SPTAN1: variants seen among roughly 807,000 people sequenced by gnomAD.
SPTAN1 encodes the protein spectrin alpha chain, non-erythrocytic 1.
Under a neutral mutation model 331.3 loss-of-function variants are expected in SPTAN1, and 61 were observed. The ratio of observed to expected loss-of-function variants is 0.18; its 90% CI spans 0.15 to 0.23. The LOEUF is 0.23. Among genes scored for constraint, SPTAN1 ranks in the 10% least tolerant of loss-of-function variants. The pLI is 1.00. For synonymous variants in SPTAN1, 1,153 were observed against 1,173.9 expected, an observed-to-expected ratio of 0.98 and a Z score of 0.36; for missense variants, 2,043 against 3,147.9, an observed-to-expected ratio of 0.65 and a Z score of 8.40.
At chr9:128,558,056 G>T (rs1848858550) in intron 1 of SPTAN1, among the ~76,000 whole-genome samples, 4 of 152,078 alleles carry the variant, frequency 2.6e-5, no homozygotes, top group Admixed American at 2.6e-4. Context: ...ATCTGCCTCA[G>T]CCTCCCAAAG....
At chr9:128,581,501 A>C (rs1045661386) in intron 11 of SPTAN1, among the ~76,000 whole-genome samples, 2 of 152,004 alleles carry the variant, frequency 1.3e-5, no homozygotes, top group African/African-American at 2.4e-5. Context: ...AACAAAAAAA[A>C]CAAACCTTAG....
At chr9:128,604,545 G>A (rs750424658) in intron 29 of SPTAN1, 128 bp downstream of exon 29, 98 of 878,328 alleles carry the variant, frequency 1.1e-4, no homozygotes, top group South Asian at 3.1e-4. Context: ...TTGTGACATG[G>A]GGTGGGTGCT....
In SPTAN1 at chr9:128,632,455, G is replaced by C; in HGVS notation, c.6984G>C (p.Glu2328Asp). Residue 2328 changes from glutamate to aspartate, a missense_variant, in exon 54 of 57, where the codon GAG (glutamate) becomes GAC (aspartate). This residue lies in a region of SPTAN1 where 58 missense variants were observed against 74.0 expected (regional missense o/e 0.78). Transcript: ENST00000372739. The stretch of plus-strand genomic sequence containing the variant: ...GGAACACAACAGGTGTGACTGAGGA[G>C]GCCCTCAAAGAATTCAGCATGATGT... ...QARNTTGVTE[E>D]ALKEFSMMFK... 6.2e-7 allele frequency: 1 copy of C among 1,614,184 alleles called. No homozygotes were observed. Among genetic ancestry groups the C allele is most frequent in the South Asian group, 1.1e-5 (1 of 91,076 alleles).
At position 128,608,194 on chromosome 9, in the gene SPTAN1, C is replaced by T. The variant is rs1267210563; in HGVS notation, c.4409C>T (p.Thr1470Ile). Residue 1470 changes from threonine (T) to isoleucine (I), a missense_variant, in exon 34 of 57, where the codon ACC becomes ATC. Physicochemically the swap from Thr to Ile is moderately conservative, Grantham distance 89 (BLOSUM62 -1). Transcript: ENST00000372739. ...GCTGCCCGGGAGGCCTTCTTGAATACCGAAGACAAAGGAGACTCACTGGAC... is the reference window on the plus strand; with the variant it reads ...GCTGCCCGGGAGGCCTTCTTGAATATCGAAGACAAAGGAGACTCACTGGAC... The part of the protein sequence containing the change: ...WMAAREAFLN[T>I]EDKGDSLDSV... The T allele has an allele frequency of 1.2e-6, 2 of 1,614,040 alleles. No individual in the cohort carries two copies. The highest frequency in any genetic ancestry group is 2.7e-5 in the African/African-American group (2 of 74,908).
intron 19 of SPTAN1, 62 bp from the exon 20 acceptor site, chr9:128,587,544 G>A: frequency 7.2e-7 from 1 of 1,383,308 alleles, no homozygotes; most frequent in South Asian, 1.2e-5. Flanking sequence ...AGGTTGGCGA[G>A]GCAGTGGAGG....
At chr9:128,574,342 C>T (rs1458129192) in intron 3 of SPTAN1, among the ~76,000 whole-genome samples, 3 of 147,720 alleles carry the variant, frequency 2.0e-5, no homozygotes, top group Non-Finnish European at 3.0e-5. Context: ...ATAAATATAT[C>T]ATAAATATAA....
intron 31 of SPTAN1, among the ~76,000 whole-genome samples, chr9:128,606,817 C>T (rs1017481210): frequency 2.0e-5 from 3 of 151,986 alleles, no homozygotes; most frequent in African/African-American, 4.8e-5. Context: ...AGGTAAAAGC[C>T]ACGTAACATA....
Position 128,627,954 on chromosome 9 carries a change from T to C in SPTAN1, c.6707+12T>C, listed in dbSNP as rs1859022940. ...TACCTCCTCGATGGGTTAATATTGT[T>C]TTCTTCCTTCTCTGGGCTTGTCATG... On this transcript the variant is annotated intron_variant, in intron 51 of 56. Transcript: ENST00000372739. This position sits in a 1 kb window ranked among gnomAD's most constrained non-coding sequence, Gnocchi z 4.9. 2 of 1,614,172 alleles carry C rather than the reference T, an allele frequency of 1.2e-6. No individual in the cohort carries two copies. Among genetic ancestry groups the C allele is most frequent in the Admixed American group, 3.3e-5 (2 of 60,032 alleles).
chr9:128,587,479 G>A, intron 19 of SPTAN1, 127 bp from the exon 20 acceptor site: 1 of 755,792 alleles, frequency 1.3e-6, no homozygotes, highest in South Asian at 1.4e-5. Context: ...TGTAAGAAGG[G>A]CAGGAGGTGA....
In SPTAN1 at chr9:128,632,667, G is replaced by A. The variant is rs1456251340; in HGVS notation, c.7109G>A (p.Gly2370Glu). The A allele has an allele frequency of 6.2e-7, 1 of 1,614,016 alleles. No homozygotes were observed. The highest frequency in any genetic ancestry group is 8.5e-7 in the Non-Finnish European group (1 of 1,180,028). Residue 2370 changes from glycine to glutamate, a missense_variant, in exon 55 of 57, where the codon GGG becomes GAG. By Grantham distance (98) the Gly-to-Glu change is moderately conservative. Around this residue, in one of 12 missense-constraint regions of SPTAN1, gnomAD observed 58 missense variants for 74.0 expected, o/e 0.78. Coordinates refer to ENST00000372739, the MANE Select transcript of SPTAN1 (RefSeq NM_001130438.3). ...LGYDLPMVEE[G>E]EPDPEFEAIL... ...TATGACCTGCCCATGGTGGAGGAAG[G>A]GGAACCTGACCCTGAGTTCGAGGCA...
rs1174814108 is a variant in SPTAN1 at position 128,618,055 on chromosome 9, G to T, written c.5547G>T (p.Arg1849=). ...NTIGKEEIQQ[R]LAQFVEHWKE... ...TCGGGAAAGAGGAGATCCAGCAGCG[G>T]CTGGCGCAGTTTGTGGAGCACTGGA... The change falls in exon 43 of 57, where the codon CGG becomes CGT. Residue 1849 remains arginine, a synonymous_variant. Transcript: ENST00000372739. The T allele has an allele frequency of 1.9e-6, 3 of 1,613,958 alleles. No individual in the cohort carries two copies. The highest frequency in any genetic ancestry group is 2.7e-5 in the African/African-American group (2 of 74,928).
intron 40 of SPTAN1, 37 bp downstream of exon 40, chr9:128,613,522 G>C (rs1011376923): frequency 6.5e-6 from 10 of 1,541,382 alleles, no homozygotes; most frequent in Non-Finnish European, 9.0e-6. Flanking sequence ...CGAGTGCCTG[G>C]GACACAGCTC....
intron 27 of SPTAN1, among the ~76,000 whole-genome samples, chr9:128,603,141 C>A (rs926706604): frequency 4.6e-5 from 7 of 152,024 alleles, no homozygotes; most frequent in Admixed American, 1.3e-4. Context: ...TATTAGAGCT[C>A]CTGGCTGTTA....
intron 52 of SPTAN1, 189 bp from the exon 53 acceptor site, chr9:128,631,938 C>T (rs1859814402): frequency 6.4e-6 from 4 of 628,096 alleles, no homozygotes; most frequent in Admixed American, 5.7e-5. Context: ...TTGAAAGTCT[C>T]TCCCTCTATT....
Position 128,632,118 on chromosome 9 carries a change from C to T in SPTAN1, c.6763-9C>T. 2 of 1,612,762 alleles carry T rather than the reference C, an allele frequency of 1.2e-6. No individual in the cohort carries two copies. Among genetic ancestry groups the T allele is most frequent in the Middle Eastern group, 1.6e-4 (1 of 6,062 alleles). On this transcript the variant is annotated splice_polypyrimidine_tract_variant and intron_variant, in intron 52 of 56. Transcript: ENST00000372739. ...CCCGTCTGAGCATCTGTGCTCCCCACCCCTGCAGCGCAAGCACCAGGAAAT... is the reference window on the plus strand; with the variant it reads ...CCCGTCTGAGCATCTGTGCTCCCCATCCCTGCAGCGCAAGCACCAGGAAAT...
chr9:128,600,469 C>T (rs1854967032), intron 27 of SPTAN1, among the ~76,000 whole-genome samples: 1 of 152,208 alleles, frequency 6.6e-6, no homozygotes, highest in African/African-American at 2.4e-5. Flanking sequence ...GGCAGGCCTT[C>T]ATTCACCATC....
At chr9:128,581,497 A>C (rs1371140402) in intron 11 of SPTAN1, among the ~76,000 whole-genome samples, 2 of 152,002 alleles carry the variant, frequency 1.3e-5, no homozygotes, top group Admixed American at 6.5e-5. Context: ...AACAAACAAA[A>C]AAAACAAACC....
chr9:128,556,003 C>T (rs1848597413), intron 1 of SPTAN1, among the ~76,000 whole-genome samples: 1 of 152,032 alleles, frequency 6.6e-6, no homozygotes. Flanking sequence ...GGGTGGATCA[C>T]TTGGTCAGGA....
intron 31 of SPTAN1, 98 bp downstream of exon 31, chr9:128,605,575 G>A: frequency 6.8e-7 from 1 of 1,462,936 alleles, no homozygotes; most frequent in Non-Finnish European, 9.4e-7. Context: ...AGGGTACAAT[G>A]GCTCACACCT....
Sources: gnomAD v4.1 joint callset for allele counts (sites outside exome capture counted in the v4.1 genomes callset) on GRCh38, gnomAD v4.1.1 for gene constraint, gnomAD v4.1.1 regional missense constraint, Gnocchi (gnomAD v3.1) non-coding constraint, MANE v1.5 for transcripts, NCBI Gene and HGNC (gene_info 2026-07-23, HGNC 2026-07-21) for gene names.